SSBP4: variants seen among roughly 807,000 people sequenced by gnomAD.
SSBP4 encodes the protein single-stranded DNA-binding protein 4.
Under a neutral mutation model 64.6 loss-of-function variants are expected in SSBP4, and 33 were observed. That is an observed-to-expected ratio of 0.51 (90% confidence interval 0.39 to 0.68). The LOEUF is 0.68. SSBP4 is among the 30% of genes least tolerant of loss of function. The pLI is 0.00. For synonymous variants in SSBP4, 243 were observed against 224.0 expected, an observed-to-expected ratio of 1.08 and a Z score of -0.76; for missense variants, 583 against 566.8, an observed-to-expected ratio of 1.03 and a Z score of -0.29.
At chr19:18,432,264 G>C in intron 10 of SSBP4, 50 bp downstream of exon 10, 1 of 1,595,658 alleles carries the variant, frequency 6.3e-7, no homozygotes, top group Non-Finnish European at 8.6e-7. Flanking sequence ...GCCACCACCA[G>C]CTTCATGGCT....
chr19:18,430,706 C>A, intron 4 of SSBP4, 135 bp from the exon 5 acceptor site: 1 of 694,810 alleles, frequency 1.4e-6, no homozygotes, highest in South Asian at 2.1e-5. Context: ...AGGCCGACAA[C>A]CCCAGTGTGC....
At chr19:18,433,640 G>T in intron 16 of SSBP4, 27 bp downstream of exon 16, 1 of 1,467,402 alleles carries the variant, frequency 6.8e-7, no homozygotes. Context: ...CTTGCCGGGG[G>T]TGGGATCCGG....
intron 1 of SSBP4, 30 bp downstream of exon 1, chr19:18,419,737 C>T: frequency 4.4e-6 from 5 of 1,133,652 alleles, no homozygotes; most frequent in East Asian, 4.5e-5. Flanking sequence ...CGGGGCTCGG[C>T]GTCCGCGCTC....
rs1423998612 is a variant in SSBP4, at chr19:18,432,049, C to T, written c.615C>T (p.Gly205=). ...TGCAGAGGGTGACGCCTCCTCGTGG[C>T]ATGGCCAGCGTGGGGCCCCAGGTAA... ...GPMQRVTPPR[G]MASVGPQSYG... is the part of the protein sequence containing the mutation. The change falls in exon 9 of 18, where the codon GGC becomes GGT. Residue 205 remains glycine, a synonymous_variant. Coordinates refer to ENST00000270061, the MANE Select transcript of SSBP4 (RefSeq NM_032627.5). 2 of 1,587,366 alleles carry T rather than the reference C, an allele frequency of 1.3e-6. No homozygotes were observed. Among genetic ancestry groups the T allele is most frequent in the South Asian group, 1.1e-5 (1 of 88,484 alleles).
In SSBP4 at chr19:18,433,014, C is replaced by A. The variant is rs1235762618; in HGVS notation, c.883C>A (p.Pro295Thr). 1.9e-6 allele frequency: 3 copies of A among 1,614,060 alleles called. No homozygotes were observed. The highest frequency in any genetic ancestry group is 2.2e-5 in the South Asian group (2 of 91,094). The change falls in exon 14 of 18, where the codon CCC (proline) becomes ACC (threonine). Residue 295 changes from proline (P) to threonine (T), a missense_variant. Pro to Thr is a conservative substitution (Grantham distance 38). Coordinates refer to ENST00000270061, the MANE Select transcript of SSBP4 (RefSeq NM_032627.5). Reference protein sequence around the residue: ...SSENMYTIMNPIGQGAGRANF... With the variant: ...SSENMYTIMNTIGQGAGRANF... ...CGAAAACATGTACACTATCATGAAC[C>A]CCATCGGGCAGGGCGCCGGCAGGGC...
Position 18,433,284 on chromosome 19 carries a change from C to G in SSBP4, c.991+71C>G, listed in dbSNP as rs934500936. ...TGCGCTCCCTGGCTGCTTCCCCCTG[C>G]CGTCAGCCCGCCTGCCGGGTGGAGG... On this transcript the variant is annotated intron_variant, in intron 15 of 17. Transcript: ENST00000270061. 3 of 1,510,080 alleles carry G rather than the reference C, an allele frequency of 2.0e-6. No homozygotes were observed. In the African/African-American group the frequency reaches 4.2e-5, roughly 21 times the overall value. The allele number at this position is 1,510,080 out of a possible 1,614,324, so 93.5% of individuals were successfully genotyped here.
At chr19:18,415,404 G>C (rs1489028802), upstream of SSBP4, among the ~76,000 whole-genome samples, 1 of 152,198 alleles carries the variant, frequency 6.6e-6, no homozygotes, top group African/African-American at 2.4e-5. Flanking sequence ...CAGGAATGGG[G>C]AGTACTCGTG....
the SSBP4 span, among the ~76,000 whole-genome samples, chr19:18,412,979 A>G: frequency 9.9e-5 from 15 of 152,210 alleles, no homozygotes; most frequent in African/African-American, 3.1e-4. Flanking sequence ...GGAATGGGAC[A>G]TGAGACAGGA....
rs1353586270 is a variant in SSBP4, at chr19:18,426,998, T to C, written c.60-353T>C. On this transcript the variant is annotated intron_variant, in intron 1 of 17. Coordinates refer to ENST00000270061, the MANE Select transcript of SSBP4 (RefSeq NM_032627.5). The surrounding 1 kb of genome is among the most constrained non-coding windows in gnomAD (Gnocchi z 4.5). ...GGAGGTGGGCCCTGAGCACACTACATGGCCCAGGGTGCCCAGTGGTCGTCC... is the reference window on the plus strand; with the variant it reads ...GGAGGTGGGCCCTGAGCACACTACACGGCCCAGGGTGCCCAGTGGTCGTCC... Among the ~76,000 whole-genome samples, 3 of 151,992 alleles carry C rather than the reference T, an allele frequency of 2.0e-5. No homozygotes were observed. The highest frequency in any genetic ancestry group is 6.5e-5 in the Admixed American group (1 of 15,276).
intron 15 of SSBP4, 131 bp downstream of exon 15, chr19:18,433,344 T>C: frequency 1.5e-6 from 2 of 1,324,110 alleles, no homozygotes; most frequent in Non-Finnish European, 1.0e-6. Context: ...CGGGGGCCGC[T>C]CAGTGACAGG....
intron 5 of SSBP4, 143 bp downstream of exon 5, chr19:18,431,073 A>G (rs1600341301): frequency 1.9e-6 from 2 of 1,034,696 alleles, no homozygotes; most frequent in East Asian, 2.6e-5. Context: ...AGGTGTGCCC[A>G]GGTGGGCCTT....
the SSBP4 span, among the ~76,000 whole-genome samples, chr19:18,413,161 T>TG: frequency 6.7e-6 from 1 of 149,988 alleles, no homozygotes; most frequent in South Asian, 2.1e-4. Flanking sequence ...TTTTTTTTTT[T>TG]TTTTTAGACG....
intron 4 of SSBP4, among the ~76,000 whole-genome samples, chr19:18,430,174 G>A (rs1363323984): frequency 2.0e-5 from 3 of 152,042 alleles, no homozygotes; most frequent in Non-Finnish European, 4.4e-5. Context: ...GTCCCCAGAC[G>A]TGTTCCTCTG....
the SSBP4 span, among the ~76,000 whole-genome samples, chr19:18,408,502 T>A: frequency 1.3e-5 from 2 of 151,864 alleles, no homozygotes; most frequent in Non-Finnish European, 2.9e-5. Context: ...ACCAATTTTT[T>A]TTTTTTTTGA....
At chr19:18,429,101 G>T (rs1319614570) in intron 4 of SSBP4, among the ~76,000 whole-genome samples, 1 of 149,792 alleles carries the variant, frequency 6.7e-6, no homozygotes, top group Non-Finnish European at 1.5e-5. Flanking sequence ...GGCCGCCCAA[G>T]CCCTGGGGTG....
chr19:18,412,100 G>A, the SSBP4 span, among the ~76,000 whole-genome samples: 2 of 152,140 alleles, frequency 1.3e-5, no homozygotes, highest in African/African-American at 2.4e-5. Context: ...AGGAGTTTGA[G>A]GCTGCAGTGA....
the SSBP4 span, among the ~76,000 whole-genome samples, chr19:18,409,487 G>A: frequency 1.3e-5 from 2 of 152,068 alleles, no homozygotes; most frequent in Admixed American, 6.6e-5. Flanking sequence ...GCGACCAGCT[G>A]TAGCCATTCT....
At chr19:18,418,399 C>T (rs762246050), upstream of SSBP4, among the ~76,000 whole-genome samples, 9 of 152,210 alleles carry the variant, frequency 5.9e-5, no homozygotes, top group Admixed American at 3.3e-4. The surrounding 1 kb of genome is among the most constrained non-coding windows in gnomAD (Gnocchi z 6.7). Context: ...ACTCAGTATC[C>T]GCCCCCACCC....
upstream of SSBP4, chr19:18,419,298 A>G (rs1049195775): frequency 1.0e-6 from 1 of 1,000,088 alleles, no homozygotes; most frequent in Non-Finnish European, 1.2e-6. Flanking sequence ...CGGCGGCGGG[A>G]CCCACCCGCG....
Sources: gnomAD v4.1 joint callset for allele counts (sites outside exome capture counted in the v4.1 genomes callset) on GRCh38, gnomAD v4.1.1 for gene constraint, Gnocchi (gnomAD v3.1) non-coding constraint, MANE v1.5 for transcripts, NCBI Gene and HGNC (gene_info 2026-07-23, HGNC 2026-07-21) for gene names.